The following NDRG3 variants were observed in gnomAD, a reference collection of about 807,000 sequenced individuals.
The protein encoded by NDRG3 is protein NDRG3.
A neutral mutation model predicts 57.2 loss-of-function variants in NDRG3; 23 were observed. The ratio of observed to expected loss-of-function variants is 0.40; its 90% CI spans 0.29 to 0.57. The LOEUF (loss-of-function observed/expected upper bound fraction) is 0.57, where lower values mean the gene tolerates loss of function less well. NDRG3 is among the 20% of genes least tolerant of loss of function. NDRG3 has a pLI of 0.42. For synonymous variants in NDRG3, 132 were observed against 162.6 expected (o/e 0.81, Z 1.43); for missense variants, 384 against 457.3 (o/e 0.84, Z 1.46).
In NDRG3 at chr20:36,680,869, G is replaced by A; in HGVS notation, c.478C>T (p.Leu160Phe). 6.2e-7 allele frequency: 1 copy of A among 1,614,090 alleles called. No homozygotes were observed. Among genetic ancestry groups the A allele is most frequent in the East Asian group, 2.2e-5 (1 of 44,886 alleles). Residue 160 changes from leucine to phenylalanine, a missense_variant, in exon 8 of 16, where the codon CTC (leucine) becomes TTC (phenylalanine). Coordinates refer to ENST00000349004, the MANE Select transcript of NDRG3 (RefSeq NM_032013.4). ...TTAGCGCAAGGGTCAACATTAATGAGCACAAGGCCTTCCACAAGCTCTGGA... is the reference window on the plus strand; with the variant it reads ...TTAGCGCAAGGGTCAACATTAATGAACACAAGGCCTTCCACAAGCTCTGGA... ...NHPELVEGLV[L>F]INVDPCAKGW...
chr20:36,680,992 C>T lies in NDRG3; in HGVS notation c.445-90G>A, dbSNP rs1600887961. 11 of 1,041,886 alleles carry T rather than the reference C, an allele frequency of 1.1e-5. No individual in the cohort carries two copies. In the East Asian group the frequency reaches 2.5e-4, roughly 23 times the overall value. 64.5% of individuals were successfully genotyped at this position (1,041,886 alleles called of 1,614,324 possible). On this transcript the variant is annotated intron_variant, in intron 7 of 15. Coordinates refer to ENST00000349004, the MANE Select transcript of NDRG3 (RefSeq NM_032013.4). ...AACATGGTTGATCAATTCTTACTTA[C>T]ATGCCTTAATGCCTCACATTTGAAA... is the stretch of plus-strand genomic sequence containing the variant.
chr20:36,670,842 C>A (rs973269614), intron 9 of NDRG3, among the ~76,000 whole-genome samples: 2 of 152,160 alleles, frequency 1.3e-5, no homozygotes, highest in African/African-American at 4.8e-5. Context: ...AGACCAGGTT[C>A]CCCCTCACCT....
intron 1 of NDRG3, among the ~76,000 whole-genome samples, chr20:36,740,322 T>G (rs1985864733): frequency 6.6e-6 from 1 of 152,240 alleles, no homozygotes; most frequent in South Asian, 2.1e-4. Flanking sequence ...TCCTCCAAAG[T>G]GCACCCCAGT....
At chr20:36,742,698 G>A (rs1985979175) in intron 1 of NDRG3, among the ~76,000 whole-genome samples, 1 of 152,004 alleles carries the variant, frequency 6.6e-6, no homozygotes, top group African/African-American at 2.4e-5. Context: ...CATTAATATG[G>A]GAATGTTTAG....
chr20:36,710,777 C>A (rs1983820834), intron 2 of NDRG3, among the ~76,000 whole-genome samples: 1 of 149,210 alleles, frequency 6.7e-6, no homozygotes. Context: ...CGTGCCACTG[C>A]ACTCCAGCCT....
At chr20:36,698,416 CCT>C (rs988877604) in intron 3 of NDRG3, among the ~76,000 whole-genome samples, 24 of 151,900 alleles carry the variant, frequency 1.6e-4, no homozygotes, top group African/African-American at 5.3e-4. Context: ...ATGGTGAGAC[CCT>C]GTCTCTACAA....
intron 8 of NDRG3, among the ~76,000 whole-genome samples, chr20:36,678,831 T>C (rs1980988354): frequency 6.6e-6 from 1 of 152,258 alleles, no homozygotes; most frequent in South Asian, 2.1e-4. Context: ...TGCTTGTCTT[T>C]TACTAAAATT....
chr20:36,671,417 G>A lies in NDRG3; in HGVS notation c.532-20C>T. The A allele has an allele frequency of 6.2e-7, 1 of 1,608,748 alleles. No individual in the cohort carries two copies. ...AGAGAGCTGAAAAGATAAAAACTCT[G>A]TGTTAAGAATGTAAGCATATGCAAA... On this transcript the variant is annotated intron_variant, in intron 8 of 15. Transcript: ENST00000349004.
Position 36,687,539 on chromosome 20 carries a change from A to G in NDRG3, c.273T>C (p.His91=), listed in dbSNP as rs1315847077. The G allele has an allele frequency of 1.2e-6, 2 of 1,613,978 alleles. No homozygotes were observed. The highest frequency in any genetic ancestry group is 1.7e-6 in the Non-Finnish European group (2 of 1,180,008). ...CTTCCTGCTGGCCTGGGGCATCCACATGACAGACAGCAAAGTGCTGGGTGA... is the reference window on the plus strand; with the variant it reads ...CTTCCTGCTGGCCTGGGGCATCCACGTGACAGACAGCAAAGTGCTGGGTGA... ...QEITQHFAVC[H]VDAPGQQEGA... is the part of the protein sequence containing the mutation. The change falls in exon 5 of 16, where the codon CAT becomes CAC. Residue 91 remains histidine (H), a synonymous_variant. Coordinates refer to ENST00000349004, the MANE Select transcript of NDRG3 (RefSeq NM_032013.4).
chr20:36,712,393 CTTT>C (rs532490524), intron 2 of NDRG3, among the ~76,000 whole-genome samples: 3 of 124,300 alleles, frequency 2.4e-5, no homozygotes, highest in Admixed American at 8.2e-5. Flanking sequence ...TTTTCTTTTT[CTTT>C]TTTTTTTTTT....
At chr20:36,674,102 G>A (rs1279132018) in intron 8 of NDRG3, among the ~76,000 whole-genome samples, 1 of 152,038 alleles carries the variant, frequency 6.6e-6, no homozygotes, top group Non-Finnish European at 1.5e-5. Flanking sequence ...GTGAAACTCC[G>A]TCTCAAAAAC....
intron 1 of NDRG3, among the ~76,000 whole-genome samples, chr20:36,739,503 G>T (rs1319529286): frequency 6.9e-6 from 1 of 145,068 alleles, no homozygotes; most frequent in Non-Finnish European, 1.5e-5. Flanking sequence ...AGAAAATTCA[G>T]CCTTAAAAAT....
intron 5 of NDRG3, 30 bp downstream of exon 5, chr20:36,687,462 G>C (rs749323784): frequency 6.2e-7 from 1 of 1,608,232 alleles, no homozygotes. Context: ...CTGAGTGCAC[G>C]TCTCCCAGAT....
intron 6 of NDRG3, among the ~76,000 whole-genome samples, chr20:36,683,403 G>T (rs893767136): frequency 6.6e-6 from 1 of 151,226 alleles, no homozygotes; most frequent in Non-Finnish European, 1.5e-5. Context: ...CATTGAAGGT[G>T]AGGAGTTCGA....
chr20:36,738,997 A>G (rs1424796450), intron 1 of NDRG3, among the ~76,000 whole-genome samples: 1 of 147,640 alleles, frequency 6.8e-6, no homozygotes, highest in Admixed American at 6.8e-5. Context: ...GATGGCATGC[A>G]CCTGTAATCC....
intron 2 of NDRG3, among the ~76,000 whole-genome samples, chr20:36,708,574 G>C (rs1983680854): frequency 1.3e-5 from 2 of 151,358 alleles, no homozygotes; most frequent in Non-Finnish European, 2.9e-5. Flanking sequence ...CTTGAACCCA[G>C]GAGGCAGAGG....
intron 8 of NDRG3, among the ~76,000 whole-genome samples, chr20:36,677,669 G>A (rs192736586): frequency 1.3e-5 from 2 of 152,284 alleles, no homozygotes; most frequent in East Asian, 1.9e-4. Flanking sequence ...CTGTGGAAAG[G>A]AACCACCTTC....
intron 5 of NDRG3, among the ~76,000 whole-genome samples, chr20:36,686,635 T>C (rs78822255): frequency 0.024 from 3,620 of 152,228 alleles, 141 homozygotes; most frequent in African/African-American, 0.082. Context: ...GTAGGGAGCC[T>C]ATGACTCTGC....
At chr20:36,672,257 A>C (rs1219649567) in intron 8 of NDRG3, among the ~76,000 whole-genome samples, 6 of 152,230 alleles carry the variant, frequency 3.9e-5, no homozygotes. Context: ...TAAATGCAGC[A>C]ATCTGTGTAA....
Sources: gnomAD v4.1 joint callset for allele counts (sites outside exome capture counted in the v4.1 genomes callset) on GRCh38, gnomAD v4.1.1 for gene constraint, MANE v1.5 for transcripts, NCBI Gene and HGNC (gene_info 2026-07-23, HGNC 2026-07-21) for gene names.